Variants in ARMH4 observed in about 807,000 individuals in gnomAD.
The protein encoded by ARMH4 is armadillo-like helical domain-containing protein 4.
In ARMH4, 49 loss-of-function variants were observed where a neutral mutation model predicts 61.9. That is an observed-to-expected ratio of 0.79 (90% confidence interval 0.63 to 1.00). The LOEUF (loss-of-function observed/expected upper bound fraction) is 1.00. ARMH4 is among the 50% of genes least tolerant of loss of function. The pLI is 0.00. For synonymous variants in ARMH4, 368 were observed against 341.5 expected, an observed-to-expected ratio of 1.08 and a Z score of -0.85; for missense variants, 934 against 930.0, an observed-to-expected ratio of 1.00 and a Z score of -0.06.
chr14:58,014,538 A>T (rs1335916391), intron 5 of ARMH4, among the ~76,000 whole-genome samples: 2 of 152,176 alleles, frequency 1.3e-5, no homozygotes, highest in African/African-American at 4.8e-5. Context: ...TAGTACAGAA[A>T]TCCAGGGCAG....
chr14:58,052,021 A>G (rs754289610), intron 5 of ARMH4, among the ~76,000 whole-genome samples: 2 of 152,056 alleles, frequency 1.3e-5, no homozygotes, highest in Non-Finnish European at 1.5e-5. Flanking sequence ...AAATTACCCA[A>G]AGGGTCTCTG....
chr14:58,080,059 C>T (rs61651367), intron 5 of ARMH4, among the ~76,000 whole-genome samples: 11 of 151,840 alleles, frequency 7.2e-5, no homozygotes, highest in African/African-American at 2.4e-4. Context: ...TGACTGCCAA[C>T]GATGCTAAGA....
intron 5 of ARMH4, among the ~76,000 whole-genome samples, chr14:58,077,513 G>A (rs1292127179): frequency 6.6e-6 from 1 of 152,136 alleles, no homozygotes; most frequent in African/African-American, 2.4e-5. Context: ...AGGCTGAGGT[G>A]GGGGGACCGC....
intron 5 of ARMH4, among the ~76,000 whole-genome samples, chr14:58,017,810 A>G (rs1882670733): frequency 6.6e-6 from 1 of 152,214 alleles, no homozygotes; most frequent in Non-Finnish European, 1.5e-5. Context: ...CAAAATAGCT[A>G]AAGCAATCTT....
chr14:58,022,549 T>C (rs982432433), intron 5 of ARMH4, among the ~76,000 whole-genome samples: 4 of 152,140 alleles, frequency 2.6e-5, no homozygotes, highest in Non-Finnish European at 5.9e-5. Context: ...AGCAAGGAGC[T>C]CCAGCAGTAA....
chr14:58,058,116 A>G (rs188855152), intron 5 of ARMH4, among the ~76,000 whole-genome samples: 1 of 152,340 alleles, frequency 6.6e-6, no homozygotes, highest in African/African-American at 2.4e-5. Flanking sequence ...AATTGGTTCC[A>G]GGACAACCCT....
intron 4 of ARMH4, among the ~76,000 whole-genome samples, chr14:58,123,464 C>T (rs898497248): frequency 6.6e-6 from 1 of 152,116 alleles, no homozygotes; most frequent in Non-Finnish European, 1.5e-5. Flanking sequence ...CATGCAATAG[C>T]CCCTGCAATA....
chr14:58,129,089 G>A (rs1886997630), intron 4 of ARMH4, among the ~76,000 whole-genome samples: 1 of 152,156 alleles, frequency 6.6e-6, no homozygotes, highest in Non-Finnish European at 1.5e-5. Context: ...TCCAGACTGC[G>A]TAAGAATAAA....
At chr14:58,072,255 A>G (rs1884905066) in intron 5 of ARMH4, among the ~76,000 whole-genome samples, 1 of 152,244 alleles carries the variant, frequency 6.6e-6, no homozygotes, top group African/African-American at 2.4e-5. Flanking sequence ...CAAGGTTTAC[A>G]GAAGCAACTT....
intron 5 of ARMH4, among the ~76,000 whole-genome samples, chr14:58,030,933 C>T (rs367924640): frequency 5.9e-4 from 90 of 152,298 alleles, no homozygotes; most frequent in African/African-American, 2.1e-3. Flanking sequence ...TCACTATGAA[C>T]ATGGATGTAC....
chr14:58,087,424 A>G (rs759924617), intron 5 of ARMH4, among the ~76,000 whole-genome samples: 5 of 152,162 alleles, frequency 3.3e-5, no homozygotes, highest in Non-Finnish European at 7.3e-5. Context: ...TGGACATACT[A>G]AATTCTCATG....
At chr14:58,088,512 T>C (rs545151848) in intron 5 of ARMH4, among the ~76,000 whole-genome samples, 7 of 150,744 alleles carry the variant, frequency 4.6e-5, no homozygotes, top group Admixed American at 6.6e-5. Flanking sequence ...CTAGGAAAAA[T>C]AATTCCATTC....
At chr14:58,051,134 C>G (rs178474) in intron 5 of ARMH4, among the ~76,000 whole-genome samples, 97,538 of 150,250 alleles carry the variant, frequency 0.65, 32,706 homozygotes, top group African/African-American at 0.82. Flanking sequence ...AACAAATCTA[C>G]TATTTGTTCT....
intron 3 of ARMH4, among the ~76,000 whole-genome samples, chr14:58,132,031 C>T (rs948871646): frequency 1.3e-5 from 2 of 152,028 alleles, no homozygotes; most frequent in Non-Finnish European, 2.9e-5. Flanking sequence ...TTATGTATTG[C>T]CAAAGGTAAA....
intron 1 of ARMH4, among the ~76,000 whole-genome samples, chr14:58,149,386 G>C (rs775403528): frequency 3.3e-5 from 5 of 152,230 alleles, no homozygotes; most frequent in Non-Finnish European, 7.3e-5. Context: ...ACAATGGAAG[G>C]AGGGAGAAGG....
At position 58,066,671 on chromosome 14, in the gene ARMH4, C is replaced by A. The variant is rs1320779871; in HGVS notation, c.2089+30053G>T. 1.5e-4 allele frequency among the ~76,000 whole-genome samples: 23 copies of A among 152,072 alleles called. 1 individual carries two copies. Among genetic ancestry groups the A allele is most frequent in the Admixed American group, 1.5e-3 (23 of 15,256 alleles). On this transcript the variant is annotated intron_variant, in intron 5 of 7. Transcript: ENST00000267485. ...GAAGAGTTCGGAGAAACGTTTTTAG[C>A]CAGAAGGAACGTCAGTATGTTCGCT...
chr14:58,081,998 AT>A (rs1418910705), intron 5 of ARMH4, among the ~76,000 whole-genome samples: 1 of 152,142 alleles, frequency 6.6e-6, no homozygotes, highest in Non-Finnish European at 1.5e-5. Flanking sequence ...CAGCTTACCT[AT>A]AACTTGAAAA....
chr14:58,060,778 C>T (rs1884503447), intron 5 of ARMH4, among the ~76,000 whole-genome samples: 1 of 152,194 alleles, frequency 6.6e-6, no homozygotes, highest in Admixed American at 6.6e-5. Flanking sequence ...GGTGTTTGGG[C>T]TGGCACAGGG....
chr14:58,084,222 A>ATT (rs5808957), intron 5 of ARMH4, among the ~76,000 whole-genome samples: 1 of 151,800 alleles, frequency 6.6e-6, no homozygotes, highest in African/African-American at 2.4e-5. Flanking sequence ...AACTTCTAGC[A>ATT]CAGAATTTTC....
Sources: gnomAD v4.1 joint callset for allele counts (sites outside exome capture counted in the v4.1 genomes callset) on GRCh38, gnomAD v4.1.1 for gene constraint, MANE v1.5 for transcripts, NCBI Gene and HGNC (gene_info 2026-07-23, HGNC 2026-07-21) for gene names.